PTPRT: variants seen among roughly 807,000 people sequenced by gnomAD.
PTPRT encodes receptor-type tyrosine-protein phosphatase T.
A neutral mutation model predicts 176.8 loss-of-function variants in PTPRT; 56 were observed. That is an observed-to-expected ratio of 0.32 (90% confidence interval 0.26 to 0.40). The LOEUF (loss-of-function observed/expected upper bound fraction) is 0.40, where lower values mean the gene tolerates loss of function less well. PTPRT is among the 10% of genes least tolerant of loss of function. PTPRT has a pLI of 1.00. For missense variants in PTPRT, 1,540 were observed against 1,908.2 expected (o/e 0.81, Z 3.60); for synonymous variants, 783 against 739.0 (o/e 1.06, Z -0.96).
chr20:43,065,458 A>G (rs1344792563), intron 1 of PTPRT, among the ~76,000 whole-genome samples: 1 of 152,260 alleles, frequency 6.6e-6, no homozygotes, highest in African/African-American at 2.4e-5. Flanking sequence ...TATTCTCACT[A>G]GAGCTTAAAA....
chr20:42,216,583 C>T (rs1022690340), intron 15 of PTPRT, among the ~76,000 whole-genome samples: 15 of 152,074 alleles, frequency 9.9e-5, no homozygotes, highest in South Asian at 2.1e-4. Context: ...TACATATTTG[C>T]GTATTGTATT....
intron 19 of PTPRT, among the ~76,000 whole-genome samples, chr20:42,125,342 A>T (rs1030702973): frequency 2.0e-5 from 3 of 152,186 alleles, no homozygotes; most frequent in African/African-American, 7.2e-5. Context: ...TAAGTAATTT[A>T]CCCAAGATCA....
chr20:43,123,081 T>G (rs2013326050), intron 1 of PTPRT, among the ~76,000 whole-genome samples: 1 of 152,168 alleles, frequency 6.6e-6, no homozygotes, highest in Admixed American at 6.5e-5. Flanking sequence ...CACAAACTCC[T>G]GACCTCAGGT....
chr20:42,913,040 T>C (rs1360345291), intron 1 of PTPRT, among the ~76,000 whole-genome samples: 1 of 152,238 alleles, frequency 6.6e-6, no homozygotes, highest in Non-Finnish European at 1.5e-5. Context: ...CTCTGTGCCT[T>C]AGTCTCTCCA....
At chr20:42,482,199 G>A (rs1228158098) in intron 7 of PTPRT, among the ~76,000 whole-genome samples, 1 of 152,136 alleles carries the variant, frequency 6.6e-6, no homozygotes, top group Non-Finnish European at 1.5e-5. Flanking sequence ...AGAGATAAAG[G>A]AGGCAGCACA....
At chr20:42,974,516 GACAC>G (rs1361326877) in intron 1 of PTPRT, among the ~76,000 whole-genome samples, 1 of 151,784 alleles carries the variant, frequency 6.6e-6, no homozygotes, top group African/African-American at 2.4e-5. Flanking sequence ...CACACCCACA[GACAC>G]ACACAGAGCT....
intron 1 of PTPRT, among the ~76,000 whole-genome samples, chr20:43,029,686 T>C (rs150005706): frequency 2.5e-4 from 38 of 152,388 alleles, no homozygotes; most frequent in Middle Eastern, 3.4e-3. Context: ...GAAGATTATA[T>C]ATCCCAGACC....
chr20:42,781,735 T>G (rs1158554743), intron 3 of PTPRT, among the ~76,000 whole-genome samples: 1 of 152,214 alleles, frequency 6.6e-6, no homozygotes, highest in Non-Finnish European at 1.5e-5. Flanking sequence ...TTTAACCTAA[T>G]ATGATCTGGA....
chr20:42,999,562 C>A (rs890799132), intron 1 of PTPRT, among the ~76,000 whole-genome samples: 1 of 151,674 alleles, frequency 6.6e-6, no homozygotes, highest in Non-Finnish European at 1.5e-5. Context: ...TCGAGACCAG[C>A]CTGGGAAACA....
chr20:42,540,365 G>C (rs2072556534), intron 7 of PTPRT, among the ~76,000 whole-genome samples: 1 of 152,058 alleles, frequency 6.6e-6, no homozygotes, highest in Non-Finnish European at 1.5e-5. Flanking sequence ...AGCTACTAAA[G>C]AAAGTGCACC....
chr20:42,362,145 A>T (rs2058439665), intron 9 of PTPRT, among the ~76,000 whole-genome samples: 1 of 152,186 alleles, frequency 6.6e-6, no homozygotes, highest in South Asian at 2.1e-4. Context: ...GCATGCCTGT[A>T]GTCCCAGCTA....
intron 16 of PTPRT, among the ~76,000 whole-genome samples, chr20:42,163,488 C>A (rs1212000411): frequency 6.6e-6 from 1 of 152,188 alleles, no homozygotes; most frequent in Admixed American, 6.5e-5. Context: ...TACCACTTGG[C>A]AAACATGGGG....
chr20:42,872,640 C>T (rs1236323252), intron 2 of PTPRT, among the ~76,000 whole-genome samples: 1 of 152,170 alleles, frequency 6.6e-6, no homozygotes, highest in Non-Finnish European at 1.5e-5. Flanking sequence ...TTAGAAATGC[C>T]TTCTTCTTGA....
chr20:42,635,722 GATTTT>G (rs1005373431), intron 7 of PTPRT, among the ~76,000 whole-genome samples: 42 of 152,000 alleles, frequency 2.8e-4, no homozygotes, highest in African/African-American at 1.0e-3. Flanking sequence ...TGAAGCCTTA[GATTTT>G]ATTTTATTTT....
intron 1 of PTPRT, among the ~76,000 whole-genome samples, chr20:42,993,741 T>C (rs977161551): frequency 6.6e-6 from 1 of 151,888 alleles, no homozygotes; most frequent in Non-Finnish European, 1.5e-5. Context: ...ACATATGACA[T>C]GAACAACCTG....
chr20:42,441,539 G>T (rs571687398), intron 9 of PTPRT, among the ~76,000 whole-genome samples: 46 of 152,306 alleles, frequency 3.0e-4, no homozygotes, highest in African/African-American at 1.1e-3. Context: ...AACAGGATCA[G>T]ATTTACCTCT....
chr20:42,806,210 G>A (rs1049278320), intron 2 of PTPRT, among the ~76,000 whole-genome samples: 7 of 152,034 alleles, frequency 4.6e-5, no homozygotes, highest in Admixed American at 1.3e-4. Context: ...ACCTGGCCAG[G>A]TGCGGTAGCT....
chr20:42,956,013 G>A (rs980272123), intron 1 of PTPRT, among the ~76,000 whole-genome samples: 4 of 152,140 alleles, frequency 2.6e-5, no homozygotes, highest in African/African-American at 9.7e-5. Context: ...GGAAGGGAGA[G>A]GATTTATCTG....
chr20:42,073,904 C>T lies in PTPRT; in HGVS notation c.*6975G>A, dbSNP rs905509950. Reference sequence around the variant, plus strand: ...AATGCTTCTCTTCCCTTTAAAGAGACACCTGCCTTCTTTTAGACAGCTGCT... The same window carrying T: ...AATGCTTCTCTTCCCTTTAAAGAGATACCTGCCTTCTTTTAGACAGCTGCT... On this transcript the variant is annotated 3_prime_UTR_variant, in exon 31 of 31. Transcript: ENST00000373187. 27 of 229,776 alleles carry T rather than the reference C, an allele frequency of 1.2e-4. No homozygotes were observed. Among genetic ancestry groups the T allele is most frequent in the Middle Eastern group, 1.3e-3 (1 of 770 alleles). The allele number at this position is 229,776 out of a possible 1,614,324, so 14.2% of individuals were successfully genotyped here.
Sources: gnomAD v4.1 joint callset for allele counts (sites outside exome capture counted in the v4.1 genomes callset) on GRCh38, gnomAD v4.1.1 for gene constraint, MANE v1.5 for transcripts, NCBI Gene and HGNC (gene_info 2026-07-23, HGNC 2026-07-21) for gene names.